Variants in TTC17 observed in about 807,000 individuals in gnomAD.
TTC17 encodes tetratricopeptide repeat protein 17.
In TTC17, 58 loss-of-function variants were observed where a neutral mutation model predicts 143.8. The observed-to-expected ratio is 0.40, with a 90% CI of 0.33 to 0.50. The LOEUF is 0.50. Ranked by LOEUF, TTC17 falls within the 20% of genes least tolerant of loss-of-function variation. The pLI is 0.49. For missense variants in TTC17, 1,273 were observed against 1,392.5 expected, an observed-to-expected ratio of 0.91 and a Z score of 1.37; for synonymous variants, 501 against 497.8, an observed-to-expected ratio of 1.01 and a Z score of -0.09.
At chr11:43,438,248 C>G (rs1011108328) in intron 16 of TTC17, among the ~76,000 whole-genome samples, 55 of 152,306 alleles carry the variant, frequency 3.6e-4, no homozygotes, top group African/African-American at 1.3e-3. Flanking sequence ...ACCTCCACTT[C>G]CCGTGTTCAA....
At chr11:43,436,326 G>T (rs201707984) in intron 16 of TTC17, 10 of 1,275,466 alleles carry the variant, frequency 7.8e-6, no homozygotes, top group Non-Finnish European at 8.9e-6. Flanking sequence ...GATGCCCTTA[G>T]ACTTGAAAGT....
intron 21 of TTC17, among the ~76,000 whole-genome samples, chr11:43,478,348 A>C (rs1039475229): frequency 5.9e-5 from 9 of 152,204 alleles, no homozygotes; most frequent in African/African-American, 2.2e-4. Flanking sequence ...GTACATAGGA[A>C]CAACCAACTG....
chr11:43,437,280 C>T (rs573449572), intron 16 of TTC17, among the ~76,000 whole-genome samples: 10 of 152,298 alleles, frequency 6.6e-5, no homozygotes, highest in African/African-American at 2.2e-4. Context: ...TGTATCCAGT[C>T]AGTCTCTCAG....
At chr11:43,420,417 G>A (rs1946875013) in intron 16 of TTC17, among the ~76,000 whole-genome samples, 1 of 152,162 alleles carries the variant, frequency 6.6e-6, no homozygotes, top group Non-Finnish European at 1.5e-5. Flanking sequence ...AAACATGGAT[G>A]TAAACTGGAT....
intron 21 of TTC17, among the ~76,000 whole-genome samples, chr11:43,470,296 C>T (rs1339384204): frequency 6.6e-6 from 1 of 152,174 alleles, no homozygotes; most frequent in African/African-American, 2.4e-5. Flanking sequence ...CCATTCTCTG[C>T]CCACCCGCAT....
intron 21 of TTC17, chr11:43,486,387 G>A (rs1275667911): frequency 2.2e-6 from 1 of 451,062 alleles, no homozygotes; most frequent in Non-Finnish European, 4.5e-6. Context: ...AATAGTAGAT[G>A]TAAAACTGGA....
intron 18 of TTC17, among the ~76,000 whole-genome samples, chr11:43,447,248 A>G (rs1247012975): frequency 6.6e-6 from 1 of 152,200 alleles, no homozygotes; most frequent in Admixed American, 6.5e-5. Context: ...AAAAATGGAA[A>G]AAACTTAACC....
intron 10 of TTC17, among the ~76,000 whole-genome samples, chr11:43,402,044 G>T (rs765575006): frequency 1.3e-5 from 2 of 151,666 alleles, no homozygotes; most frequent in Non-Finnish European, 2.9e-5. Context: ...GCGAGAGAGA[G>T]ATTTTGATTA....
At chr11:43,451,489 C>T (rs1213365541) in intron 21 of TTC17, among the ~76,000 whole-genome samples, 1 of 152,084 alleles carries the variant, frequency 6.6e-6, no homozygotes, top group Non-Finnish European at 1.5e-5. Context: ...GTGAAACTTA[C>T]CTAGTCAGTT....
At chr11:43,473,303 G>T (rs1299552325) in intron 21 of TTC17, among the ~76,000 whole-genome samples, 1 of 152,172 alleles carries the variant, frequency 6.6e-6, no homozygotes, top group Non-Finnish European at 1.5e-5. Flanking sequence ...ATGATACAGT[G>T]TAAAAGATAT....
At chr11:43,397,248 C>T (rs1857631180) in intron 6 of TTC17, 99 bp from the exon 7 acceptor site, 1 of 1,283,726 alleles carries the variant, frequency 7.8e-7, no homozygotes, top group Non-Finnish European at 1.1e-6. Flanking sequence ...TTATTTTCTC[C>T]ACCTATATCT....
intron 1 of TTC17, among the ~76,000 whole-genome samples, chr11:43,376,899 C>T (rs1856781503): frequency 6.6e-6 from 1 of 152,206 alleles, no homozygotes; most frequent in African/African-American, 2.4e-5. Context: ...CAGCCTACTA[C>T]ACACCTAGGC....
intron 18 of TTC17, chr11:43,447,645 A>G (rs1326707680): frequency 1.7e-5 from 3 of 175,092 alleles, no homozygotes; most frequent in African/African-American, 2.4e-5. Context: ...AAATGTTTCT[A>G]CTAAGTTGGA....
intron 16 of TTC17, among the ~76,000 whole-genome samples, chr11:43,442,372 C>G (rs1947442894): frequency 6.6e-6 from 1 of 152,146 alleles, no homozygotes; most frequent in Non-Finnish European, 1.5e-5. Context: ...AGGTATCAAC[C>G]CAGAGCTCTC....
intron 15 of TTC17, among the ~76,000 whole-genome samples, chr11:43,409,277 A>C (rs1858291950): frequency 6.6e-6 from 1 of 152,216 alleles, no homozygotes; most frequent in African/African-American, 2.4e-5. Flanking sequence ...TGCTAACAGT[A>C]CTTAGCTATT....
chr11:43,359,279 T>C, intron 1 of TTC17, 166 bp downstream of exon 1: 1 of 819,060 alleles, frequency 1.2e-6, no homozygotes, highest in Non-Finnish European at 1.8e-6. Flanking sequence ...AGGCAGGCAC[T>C]TCCCGCTCCC....
intron 16 of TTC17, among the ~76,000 whole-genome samples, chr11:43,420,318 A>T (rs1425756144): frequency 2.6e-5 from 4 of 152,240 alleles, no homozygotes; most frequent in Non-Finnish European, 5.9e-5. Flanking sequence ...GGAAGAATTC[A>T]TATTTGTAGA....
intron 20 of TTC17, 92 bp downstream of exon 20, chr11:43,450,333 T>C: frequency 2.2e-6 from 3 of 1,337,626 alleles, no homozygotes; most frequent in Non-Finnish European, 2.9e-6. Flanking sequence ...CCGGGCCTTT[T>C]AAAAAAAAAT....
chr11:43,432,370 C>T (rs1947178277), intron 16 of TTC17, among the ~76,000 whole-genome samples: 1 of 152,174 alleles, frequency 6.6e-6, no homozygotes, highest in African/African-American at 2.4e-5. Flanking sequence ...GTTCCAGAAT[C>T]AGAAATACCC....
Sources: gnomAD v4.1 joint callset for allele counts (sites outside exome capture counted in the v4.1 genomes callset) on GRCh38, gnomAD v4.1.1 for gene constraint, MANE v1.5 for transcripts, NCBI Gene and HGNC (gene_info 2026-07-23, HGNC 2026-07-21) for gene names.